Variants in AEBP1 observed in about 807,000 individuals in gnomAD.
The protein encoded by AEBP1 is adipocyte enhancer-binding protein 1.
Under a neutral mutation model 116.5 loss-of-function variants are expected in AEBP1, and 69 were observed. That is an observed-to-expected ratio of 0.59 (90% CI 0.49 to 0.72). The LOEUF (loss-of-function observed/expected upper bound fraction) is 0.72, where lower values mean the gene tolerates loss of function less well. Among genes scored for constraint, AEBP1 ranks in the 30% least tolerant of loss-of-function variants. The pLI, the probability that AEBP1 is intolerant of heterozygous loss-of-function variation, is 0.00. For synonymous variants in AEBP1, 627 were observed against 627.3 expected, an observed-to-expected ratio of 1.00 and a Z score of 0.01; for missense variants, 1,444 against 1,557.5, an observed-to-expected ratio of 0.93 and a Z score of 1.23.
In AEBP1 at chr7:44,113,525, A is replaced by G; in HGVS notation, c.2810-69A>G. ...AGAGGGGGAGGGCGGGGCTGGGGGC[A>G]GGACTGAGTGGGAGGGTGGGGGCCT... On this transcript the variant is annotated intron_variant, in intron 20 of 20. Coordinates refer to ENST00000223357, the MANE Select transcript of AEBP1 (RefSeq NM_001129.5). The surrounding 1 kb of genome is among the most constrained non-coding windows in gnomAD (Gnocchi z 5.3). 3.2e-5 allele frequency: 39 copies of G among 1,204,060 alleles called. No homozygotes were observed. The highest frequency in any genetic ancestry group is 4.1e-5 in the Non-Finnish European group (39 of 949,528). The allele number at this position is 1,204,060 out of a possible 1,614,324, so 74.6% of individuals were successfully genotyped here. A position where few individuals can be genotyped will look rare whatever the true frequency, so the allele number is the denominator to read the frequency against.
chr7:44,105,669 T>G (rs1368827053), intron 1 of AEBP1, among the ~76,000 whole-genome samples: 2 of 152,100 alleles, frequency 1.3e-5, no homozygotes, highest in African/African-American at 4.8e-5. Context: ...CCTGTGCCCC[T>G]CCTGCCTCTG....
rs958099728 is a variant in AEBP1, at chr7:44,111,561, G to A, written c.1771G>A (p.Gly591Ser). ...CACCATCACCCGCACTTACAGCCTGGGCAAGAGCTCACGAGGCCTCAAGAT... is the reference window on the plus strand; with the variant it reads ...CACCATCACCCGCACTTACAGCCTGAGCAAGAGCTCACGAGGCCTCAAGAT... Reference protein sequence around the residue: ...CPTITRTYSLGKSSRGLKIYA... With the variant: ...CPTITRTYSLSKSSRGLKIYA... Residue 591 changes from glycine to serine, a missense_variant, in exon 15 of 21, where the codon GGC becomes AGC. Gly to Ser is a moderately conservative substitution (Grantham distance 56). Transcript: ENST00000223357. This position sits in a 1 kb window ranked among gnomAD's most constrained non-coding sequence, Gnocchi z 4.7. 6.2e-7 allele frequency: 1 copy of A among 1,612,172 alleles called. No homozygotes were observed. The highest frequency in any genetic ancestry group is 8.5e-7 in the Non-Finnish European group (1 of 1,179,312).
intron 2 of AEBP1, 100 bp downstream of exon 2, chr7:44,106,987 C>T (rs887019519): frequency 4.6e-6 from 4 of 866,868 alleles, no homozygotes; most frequent in African/African-American, 3.4e-5. Context: ...TTCCTATAGA[C>T]CTTCAGCTCC....
chr7:44,114,141 C>T lies in AEBP1; in HGVS notation c.3357C>T (p.Thr1119=). The change falls in exon 21 of 21, where the codon ACC becomes ACT. Residue 1119 remains threonine (T), a synonymous_variant. Transcript: ENST00000223357. ...CCCAGTTGGAGCCTGAGTTTGAGAC[C>T]CAGCTGGAACCCGAGTTTGAGGAAG... ...FETQLEPEFE[T]QLEPEFEEEE... 2 of 1,614,014 alleles carry T rather than the reference C, an allele frequency of 1.2e-6. No homozygotes were observed. The highest frequency in any genetic ancestry group is 2.2e-5 in the South Asian group (2 of 91,080).
At position 44,108,843 on chromosome 7, in the gene AEBP1, A is replaced by G; in HGVS notation, c.941-56A>G. 6.7e-7 allele frequency: 1 copy of G among 1,495,060 alleles called. No homozygotes were observed. The highest frequency in any genetic ancestry group is 9.1e-7 in the Non-Finnish European group (1 of 1,098,030). The allele number at this position is 1,495,060 out of a possible 1,614,324, so 92.6% of individuals were successfully genotyped here. On this transcript the variant is annotated intron_variant, in intron 6 of 20. Coordinates refer to ENST00000223357, the MANE Select transcript of AEBP1 (RefSeq NM_001129.5). This position sits in a 1 kb window ranked among gnomAD's most constrained non-coding sequence, Gnocchi z 5.0. ...CCTGCTGAGCTCCTGTGGACCCAGG[A>G]GCTGAGGCCCCGCAGCAGGGTCAGG...
Position 44,110,246 on chromosome 7 carries a change from T to C in AEBP1, c.1300T>C (p.Cys434Arg), listed in dbSNP as rs1180381396. The C allele has an allele frequency of 6.2e-7, 1 of 1,613,630 alleles. No individual in the cohort carries two copies. The highest frequency in any genetic ancestry group is 1.3e-5 in the African/African-American group (1 of 74,918). ...GGACGACTACTATGATGGTGCGTGG[T>C]GTGCCGAGGACGATGCCAGGACCCA... The part of the protein sequence containing the change: ...TEDDYYDGAW[C>R]AEDDARTQWI... Residue 434 changes from cysteine to arginine, a missense_variant, in exon 11 of 21, where the codon TGT (cysteine) becomes CGT (arginine). Coordinates refer to ENST00000223357, the MANE Select transcript of AEBP1 (RefSeq NM_001129.5).
In AEBP1 at chr7:44,106,719, A is replaced by G; in HGVS notation, c.427A>G (p.Lys143Glu). The stretch of plus-strand genomic sequence containing the variant: ...GCCACCTAAGGCCACCAAGAAGCCC[A>G]AGGAGAAGCCACCCAAGGCCACCAA... ...EKPPKATKKP[K>E]EKPPKATKKP... The change falls in exon 2 of 21, where the codon AAG becomes GAG. Residue 143 changes from lysine (K) to glutamate (E), a missense_variant. Transcript: ENST00000223357. 1 of 1,610,396 alleles carries G rather than the reference A, an allele frequency of 6.2e-7. No individual in the cohort carries two copies. The highest frequency in any genetic ancestry group is 8.5e-7 in the Non-Finnish European group (1 of 1,179,174).
At position 44,104,882 on chromosome 7, in the gene AEBP1, G is replaced by C; in HGVS notation, c.217G>C (p.Gly73Arg). 6.4e-7 allele frequency: 1 copy of C among 1,557,442 alleles called. No homozygotes were observed. The highest frequency in any genetic ancestry group is 8.7e-7 in the Non-Finnish European group (1 of 1,151,094). ...GCGGGTCCGAAAAGCCCAGGCGGGG[G>C]GCAAGCCAGGGAAGCGGCCAGGGAC... is the stretch of plus-strand genomic sequence containing the variant. The part of the protein sequence containing the change: ...TPRVRKAQAG[G>R]KPGKRPGTAA... Residue 73 changes from glycine (G) to arginine (R), a missense_variant, in exon 1 of 21, where the codon GGC (glycine) becomes CGC (arginine). By Grantham distance (125) the Gly-to-Arg change is moderately radical. Coordinates refer to ENST00000223357, the MANE Select transcript of AEBP1 (RefSeq NM_001129.5).
At chr7:44,106,354 G>C in intron 1 of AEBP1, 192 bp from the exon 2 acceptor site, 1 of 727,846 alleles carries the variant, frequency 1.4e-6, no homozygotes, top group Non-Finnish European at 2.4e-6. Context: ...CACAGCCCCA[G>C]ACTTGCAGAC....
Position 44,109,120 on chromosome 7 carries a change from G to A in AEBP1, c.1032G>A (p.Lys344=), listed in dbSNP as rs777180522. ...TGCACCTTCCAGAGAAACCCAAAAA[G>A]GAGGACAGCAGCCCCAAGGAGGAGA... ...EEKEELKKPK[K]EDSSPKEETD... is the part of the protein sequence containing the mutation. Residue 344 remains lysine (K), a synonymous_variant, in exon 8 of 21, where the codon AAG becomes AAA. Coordinates refer to ENST00000223357, the MANE Select transcript of AEBP1 (RefSeq NM_001129.5). The A allele has an allele frequency of 3.7e-6, 6 of 1,613,494 alleles. No homozygotes were observed. The highest frequency in any genetic ancestry group is 1.3e-5 in the African/African-American group (1 of 74,922).
chr7:44,107,417 T>G lies in AEBP1; in HGVS notation c.596-22T>G, dbSNP rs1264702159. On this transcript the variant is annotated intron_variant, in intron 2 of 20. Transcript: ENST00000223357. This position sits in a 1 kb window ranked among gnomAD's most constrained non-coding sequence, Gnocchi z 4.3. ...CAGAGCAGGCCTCCCGCCCACCTGC[T>G]TCTGGAACTCCTGTGTTGCAGGGGC... 1.2e-6 allele frequency: 2 copies of G among 1,612,804 alleles called. No homozygotes were observed. The highest frequency in any genetic ancestry group is 2.2e-5 in the East Asian group (1 of 44,872).
Position 44,108,790 on chromosome 7 carries a change from G to A in AEBP1, c.941-109G>A, listed in dbSNP as rs149657635. The A allele has an allele frequency of 1.1e-3, 1,155 of 1,004,956 alleles. 1 individual carries two copies. The highest frequency in any genetic ancestry group is 1.6e-3 in the Admixed American group (70 of 44,516). 62.3% of individuals were successfully genotyped at this position (1,004,956 alleles called of 1,614,324 possible). A position where few individuals can be genotyped will look rare whatever the true frequency, so the allele number is the denominator to read the frequency against. ...CCAACTCAGCTGTCCCCCATCTCCC[G>A]TCCTCCTCCCCTCTGGCGCGGTCCT... On this transcript the variant is annotated intron_variant, in intron 6 of 20. Coordinates refer to ENST00000223357, the MANE Select transcript of AEBP1 (RefSeq NM_001129.5). The surrounding 1 kb of genome is among the most constrained non-coding windows in gnomAD (Gnocchi z 5.0).
rs1430303897 is a variant in AEBP1 at position 44,113,131 on chromosome 7, G to T, written c.2709+1G>T. The T allele has an allele frequency of 6.2e-7, 1 of 1,613,940 alleles. No homozygotes were observed. The highest frequency in any genetic ancestry group is 2.2e-5 in the East Asian group (1 of 44,856). Reference sequence around the variant, plus strand: ...GGCGCTGCTCACCTTCATGGAGCAGGTGGGGTGGCTAGGGCAATGCCTGGG... The same window carrying T: ...GGCGCTGCTCACCTTCATGGAGCAGTTGGGGTGGCTAGGGCAATGCCTGGG... On this transcript the variant is annotated splice_donor_variant, in intron 19 of 20. Transcript: ENST00000223357. LOFTEE classifies it high-confidence loss of function. This position sits in a 1 kb window ranked among gnomAD's most constrained non-coding sequence, Gnocchi z 5.3.
Position 44,112,327 on chromosome 7 carries a change from G to A in AEBP1, c.2217+6G>A. On this transcript the variant is annotated splice_donor_region_variant and intron_variant, in intron 17 of 20. Transcript: ENST00000223357. This position sits in a 1 kb window ranked among gnomAD's most constrained non-coding sequence, Gnocchi z 6.6. Reference sequence around the variant, plus strand: ...ACCTTTCGCCAGATGCCACGGTGAGGCTACAGCCTGGCTGAAAGGGCAGGA... The same window carrying A: ...ACCTTTCGCCAGATGCCACGGTGAGACTACAGCCTGGCTGAAAGGGCAGGA... 1 of 1,536,860 alleles carries A rather than the reference G, an allele frequency of 6.5e-7. No individual in the cohort carries two copies. The highest frequency in any genetic ancestry group is 8.8e-7 in the Non-Finnish European group (1 of 1,139,946).
At chr7:44,109,254 C>T in intron 8 of AEBP1, 34 bp from the exon 9 acceptor site, 1 of 1,611,648 alleles carries the variant, frequency 6.2e-7, no homozygotes, top group Non-Finnish European at 8.5e-7. Context: ...CCTCCCGGGC[C>T]CTTGGTGCCA....
intron 11 of AEBP1, 85 bp from the exon 12 acceptor site, chr7:44,110,640 C>T (rs2010516047): frequency 3.9e-6 from 5 of 1,287,308 alleles, no homozygotes; most frequent in Non-Finnish European, 5.4e-6. Context: ...CTCTTAAATT[C>T]TTGGGGCTCG....
In AEBP1 at chr7:44,113,028, G is replaced by A; in HGVS notation, c.2607G>A (p.Leu869=). ...NDFSYLHTNC[L]ELSFYLGCDK... is the part of the protein sequence containing the mutation. The stretch of plus-strand genomic sequence containing the variant: ...TCAGTTACCTGCATACCAACTGCCT[G>A]GAGCTCTCCTTCTACCTGGGCTGTG... The change falls in exon 19 of 21, where the codon CTG becomes CTA. Residue 869 remains leucine, a synonymous_variant. Coordinates refer to ENST00000223357, the MANE Select transcript of AEBP1 (RefSeq NM_001129.5). This position sits in a 1 kb window ranked among gnomAD's most constrained non-coding sequence, Gnocchi z 5.3. 6.2e-7 allele frequency: 1 copy of A among 1,614,124 alleles called. No homozygotes were observed. Among genetic ancestry groups the A allele is most frequent in the Non-Finnish European group, 8.5e-7 (1 of 1,180,020 alleles).
rs755705997 is a variant in AEBP1 at position 44,110,232 on chromosome 7, A to C, written c.1286A>C (p.Tyr429Ser). 1 of 1,613,682 alleles carries C rather than the reference A, an allele frequency of 6.2e-7. No homozygotes were observed. The highest frequency in any genetic ancestry group is 1.7e-5 in the Admixed American group (1 of 60,020). Residue 429 changes from tyrosine (Y) to serine (S), a missense_variant, in exon 11 of 21, where the codon TAT (tyrosine) becomes TCT (serine). By Grantham distance (144) the Tyr-to-Ser change is moderately radical (BLOSUM62 -2). Coordinates refer to ENST00000223357, the MANE Select transcript of AEBP1 (RefSeq NM_001129.5). Reference protein sequence around the residue: ...MQTGATEDDYYDGAWCAEDDA... With the variant: ...MQTGATEDDYSDGAWCAEDDA... ...ACCGGTGCCACTGAGGACGACTACT[A>C]TGATGGTGCGTGGTGTGCCGAGGAC...
In AEBP1 at chr7:44,108,789, C is replaced by T. The variant is rs2075071; in HGVS notation, c.941-110C>T. On this transcript the variant is annotated intron_variant, in intron 6 of 20. Transcript: ENST00000223357. The surrounding 1 kb of genome is among the most constrained non-coding windows in gnomAD (Gnocchi z 5.0). Reference sequence around the variant, plus strand: ...CCCAACTCAGCTGTCCCCCATCTCCCGTCCTCCTCCCCTCTGGCGCGGTCC... The same window carrying T: ...CCCAACTCAGCTGTCCCCCATCTCCTGTCCTCCTCCCCTCTGGCGCGGTCC... 0.35 allele frequency: 337,789 copies of T among 976,350 alleles called. 60,122 individuals carry two copies. The highest frequency in any genetic ancestry group is 0.44 in the South Asian group (28,714 of 65,238). 60.5% of individuals were successfully genotyped at this position (976,350 alleles called of 1,614,324 possible). A position where few individuals can be genotyped will look rare whatever the true frequency, so the allele number is the denominator to read the frequency against.
Sources: allele counts gnomAD v4.1 joint callset (sites outside exome capture counted in the v4.1 genomes callset), GRCh38; gene constraint gnomAD v4.1.1; non-coding constraint Gnocchi (gnomAD v3.1); transcripts MANE v1.5; gene names NCBI Gene and HGNC (gene_info 2026-07-23, HGNC 2026-07-21).